ETS1: variants seen among roughly 807,000 people sequenced by gnomAD.
ETS1 encodes ETS proto-oncogene 1, transcription factor.
In ETS1, 15 loss-of-function variants were observed where a neutral mutation model predicts 58.6. That is an observed-to-expected ratio of 0.26 (90% CI 0.17 to 0.39). The LOEUF is 0.39. ETS1 is among the 10% of genes least tolerant of loss of function. The probability of loss-of-function intolerance (pLI) is 1.00; values close to 1 mark genes in which losing one functional copy is unlikely to be tolerated. For missense variants in ETS1, 417 were observed against 610.5 expected, an observed-to-expected ratio of 0.68 and a Z score of 3.34; for synonymous variants, 214 against 218.2, an observed-to-expected ratio of 0.98 and a Z score of 0.17.
At chr11:128,512,467 A>C (rs1863416935) in intron 3 of ETS1, among the ~76,000 whole-genome samples, 1 of 152,228 alleles carries the variant, frequency 6.6e-6, no homozygotes, top group Non-Finnish European at 1.5e-5. Context: ...GACCTTTCTC[A>C]AAATGCAGAA....
At chr11:128,492,671 T>C (rs1424942522) in intron 3 of ETS1, among the ~76,000 whole-genome samples, 1 of 152,156 alleles carries the variant, frequency 6.6e-6, no homozygotes, top group Non-Finnish European at 1.5e-5. Context: ...CTTCAAACAA[T>C]GGAGTAATCA....
chr11:128,474,097 C>T (rs1862258049), intron 8 of ETS1, among the ~76,000 whole-genome samples: 1 of 152,206 alleles, frequency 6.6e-6, no homozygotes, highest in African/African-American at 2.4e-5. Flanking sequence ...ATCTAAGACT[C>T]AGAGACTCTT....
intron 2 of ETS1, among the ~76,000 whole-genome samples, chr11:128,566,505 C>T (rs12282352): frequency 0.52 from 78,971 of 151,918 alleles, 21,438 homozygotes; most frequent in African/African-American, 0.68. Flanking sequence ...CAGACAGGGC[C>T]GGGCGCAGTG....
chr11:128,573,248 G>C lies in ETS1; in HGVS notation c.-14-104C>G, dbSNP rs896372714. 36 of 772,006 alleles carry C rather than the reference G, an allele frequency of 4.7e-5. No individual in the cohort carries two copies. In the African/African-American group the frequency reaches 5.7e-4, roughly 12 times the overall value. The allele number at this position is 772,006 out of a possible 1,614,324, so 47.8% of individuals were successfully genotyped here. A position where few individuals can be genotyped will look rare whatever the true frequency, so the allele number is the denominator to read the frequency against. ...CTTAGAACTAAAAGTCTCCTTAGGA[G>C]CCAACCAGTTCACTTCTTTGCATGG... is the stretch of plus-strand genomic sequence containing the variant. On this transcript the variant is annotated intron_variant, in intron 1 of 9. Coordinates refer to ENST00000392668, the MANE Select transcript of ETS1 (RefSeq NM_001143820.2).
intron 3 of ETS1, among the ~76,000 whole-genome samples, chr11:128,516,291 T>C (rs1312787220): frequency 6.6e-6 from 1 of 152,164 alleles, no homozygotes; most frequent in Non-Finnish European, 1.5e-5. Flanking sequence ...AATGATAGAT[T>C]TGGGAATAGC....
At chr11:128,512,887 TGCGG>T (rs1228355685) in intron 3 of ETS1, among the ~76,000 whole-genome samples, 3 of 152,374 alleles carry the variant, frequency 2.0e-5, no homozygotes, top group African/African-American at 7.2e-5. Context: ...AGACTCGGCC[TGCGG>T]AAGCAGCTGG....
At chr11:128,504,040 A>C (rs1176563088) in intron 3 of ETS1, among the ~76,000 whole-genome samples, 2 of 152,210 alleles carry the variant, frequency 1.3e-5, no homozygotes, top group African/African-American at 4.8e-5. Flanking sequence ...GGAGTCAGAA[A>C]TCCTGAGACT....
At chr11:128,481,424 CAAAA>C (rs10707155) in intron 7 of ETS1, among the ~76,000 whole-genome samples, 3 of 134,174 alleles carry the variant, frequency 2.2e-5, no homozygotes, top group Non-Finnish European at 3.3e-5. Context: ...AGGAGGCTAG[CAAAA>C]AAAAAAAAAA....
chr11:128,530,799 T>G (rs1239910734), intron 3 of ETS1, among the ~76,000 whole-genome samples: 1 of 152,122 alleles, frequency 6.6e-6, no homozygotes, highest in East Asian at 1.9e-4. Context: ...TGTTGAGAAT[T>G]TCTAAAAATC....
At chr11:128,573,817 C>T (rs1256408121) in intron 1 of ETS1, among the ~76,000 whole-genome samples, 1 of 152,212 alleles carries the variant, frequency 6.6e-6, no homozygotes, top group Non-Finnish European at 1.5e-5. Context: ...CATTACATAT[C>T]GAACATCTCT....
chr11:128,565,555 CT>C (rs771449212), intron 2 of ETS1, among the ~76,000 whole-genome samples: 1 of 152,132 alleles, frequency 6.6e-6, no homozygotes, highest in Non-Finnish European at 1.5e-5. Context: ...GCAAGATGGT[CT>C]TTACATTGTG....
intron 3 of ETS1, among the ~76,000 whole-genome samples, chr11:128,555,959 G>A (rs1864305502): frequency 2.0e-5 from 3 of 152,238 alleles, no homozygotes; most frequent in African/African-American, 7.2e-5. Flanking sequence ...ACACACCTCT[G>A]TTTATCCAGC....
chr11:128,552,204 G>T (rs1048223154), intron 3 of ETS1, among the ~76,000 whole-genome samples: 7 of 152,132 alleles, frequency 4.6e-5, no homozygotes, highest in Admixed American at 2.0e-4. Context: ...TATAACGGAA[G>T]AGCTGATGCA....
chr11:128,567,397 CT>C (rs1214670444), intron 2 of ETS1, among the ~76,000 whole-genome samples: 1 of 152,154 alleles, frequency 6.6e-6, no homozygotes, highest in Non-Finnish European at 1.5e-5. Context: ...ATATTTTATT[CT>C]GTATAGTGAA....
At chr11:128,571,139 G>T (rs1864618561) in intron 2 of ETS1, among the ~76,000 whole-genome samples, 2 of 151,956 alleles carry the variant, frequency 1.3e-5, no homozygotes, top group Non-Finnish European at 2.9e-5. Flanking sequence ...GCTAAAAAAA[G>T]AACTTCAGGC....
intron 2 of ETS1, among the ~76,000 whole-genome samples, chr11:128,568,268 T>C (rs1864546500): frequency 6.6e-6 from 1 of 152,048 alleles, no homozygotes; most frequent in African/African-American, 2.4e-5. Context: ...CATCCCAGGC[T>C]GGGCCATGTT....
rs773383456 is a variant in ETS1 at position 128,486,078 on chromosome 11, A to G, written c.604T>C (p.Tyr202His). ...AYPESRYTSD[Y>H]FISYGIEHAQ... ...GTAGAAATGAACTTACTAATGAAGT[A>G]ATCCGAGGTATAGCGGGATTCTGGA... The change falls in exon 6 of 10, where the codon TAC (tyrosine) becomes CAC (histidine). Residue 202 changes from tyrosine to histidine, a missense_variant. Physicochemically the swap from Tyr to His is moderately conservative, Grantham distance 83. Coordinates refer to ENST00000392668, the MANE Select transcript of ETS1 (RefSeq NM_001143820.2). 6 of 1,605,776 alleles carry G rather than the reference A, an allele frequency of 3.7e-6. No individual in the cohort carries two copies. The highest frequency in any genetic ancestry group is 5.1e-6 in the Non-Finnish European group (6 of 1,172,428).
chr11:128,474,568 AT>A (rs1312557317), intron 8 of ETS1, among the ~76,000 whole-genome samples: 3 of 151,854 alleles, frequency 2.0e-5, no homozygotes, highest in Non-Finnish European at 4.4e-5. Flanking sequence ...CTTCCCGGGA[AT>A]TTTCCTCCTC....
intron 3 of ETS1, among the ~76,000 whole-genome samples, chr11:128,503,341 C>G (rs547297779): frequency 1.3e-5 from 2 of 152,164 alleles, no homozygotes; most frequent in Admixed American, 1.3e-4. Context: ...ACCCTAGGAG[C>G]CAAGAAATGG....
Sources: gnomAD v4.1 joint callset for allele counts (sites outside exome capture counted in the v4.1 genomes callset) on GRCh38, gnomAD v4.1.1 for gene constraint, MANE v1.5 for transcripts, NCBI Gene and HGNC (gene_info 2026-07-23, HGNC 2026-07-21) for gene names.